Variants in DOCK2 observed in about 807,000 individuals in gnomAD.
The protein encoded by DOCK2 is dedicator of cytokinesis 2, also known as dedicator of cytokinesis protein 2.
Under a neutral mutation model 248.9 loss-of-function variants are expected in DOCK2, and 87 were observed. The ratio of observed to expected loss-of-function variants is 0.35; its 90% confidence interval spans 0.29 to 0.42. The LOEUF is 0.42. Among genes scored for constraint, DOCK2 ranks in the 10% least tolerant of loss-of-function variants. DOCK2 has a pLI of 1.00. For synonymous variants in DOCK2, 805 were observed against 821.6 expected (o/e 0.98, Z 0.35); for missense variants, 1,747 against 2,300.2 (o/e 0.76, Z 4.92).
At chr5:170,033,728 G>A (rs1756225347) in intron 34 of DOCK2, among the ~76,000 whole-genome samples, 1 of 152,158 alleles carries the variant, frequency 6.6e-6, no homozygotes, top group South Asian at 2.1e-4. Flanking sequence ...TTTGCATGAG[G>A]TTTAGAATAA....
chr5:169,819,620 C>T (rs1278132375), intron 26 of DOCK2, among the ~76,000 whole-genome samples: 3 of 152,014 alleles, frequency 2.0e-5, no homozygotes, highest in Non-Finnish European at 2.9e-5. Context: ...GACCCTGTCT[C>T]GAAAAAAACA....
intron 27 of DOCK2, among the ~76,000 whole-genome samples, chr5:169,967,033 G>A (rs2113756818): frequency 6.6e-6 from 1 of 152,338 alleles, no homozygotes; most frequent in Non-Finnish European, 1.5e-5. Flanking sequence ...AGCAATTAAT[G>A]GTGAAGTACC....
At chr5:169,762,217 C>T (rs540264297) in intron 25 of DOCK2, among the ~76,000 whole-genome samples, 21 of 152,238 alleles carry the variant, frequency 1.4e-4, no homozygotes, top group African/African-American at 5.1e-4. Flanking sequence ...TGGCAAAAGG[C>T]ATATCCAGTT....
At chr5:169,953,145 A>G in intron 27 of DOCK2, among the ~76,000 whole-genome samples, 1 of 152,140 alleles carries the variant, frequency 6.6e-6, no homozygotes, top group East Asian at 1.9e-4. Flanking sequence ...AACATGGCGA[A>G]ACCCTGTCTC....
intron 35 of DOCK2, among the ~76,000 whole-genome samples, chr5:170,035,596 C>A (rs998345465): frequency 6.6e-6 from 1 of 152,134 alleles, no homozygotes; most frequent in Non-Finnish European, 1.5e-5. Context: ...GGAAAGTGAC[C>A]TTTAACAGCC....
rs552749452 is a variant in DOCK2, at chr5:169,706,404, T to G, written c.1384-1765T>G. Among the ~76,000 whole-genome samples the G allele has an allele frequency of 3.9e-5, 6 of 152,362 alleles. No homozygotes were observed. The South Asian group carries it at 1.2e-3, about 32-fold the overall frequency. Reference sequence around the variant, plus strand: ...ATGAGTATTTAGAGGGTCTGTGATGTTGTCCTGGCTTTGCCACTTTTTGGG... The same window carrying G: ...ATGAGTATTTAGAGGGTCTGTGATGGTGTCCTGGCTTTGCCACTTTTTGGG... On this transcript the variant is annotated intron_variant, in intron 14 of 51. Transcript: ENST00000520908.
intron 23 of DOCK2, among the ~76,000 whole-genome samples, chr5:169,750,544 G>A (rs1561661507): frequency 6.6e-6 from 1 of 152,214 alleles, no homozygotes; most frequent in Non-Finnish European, 1.5e-5. Flanking sequence ...GAACTAATAT[G>A]ATTATTATGG....
At chr5:169,653,902 G>T (rs753178752) in intron 1 of DOCK2, among the ~76,000 whole-genome samples, 1 of 152,146 alleles carries the variant, frequency 6.6e-6, no homozygotes, top group Non-Finnish European at 1.5e-5. Context: ...GATCCCTGGG[G>T]TGCCTGAGCT....
intron 23 of DOCK2, among the ~76,000 whole-genome samples, chr5:169,754,134 A>AGAAAGAGT (rs1268655487): frequency 1.3e-5 from 2 of 152,166 alleles, no homozygotes; most frequent in Non-Finnish European, 2.9e-5. Flanking sequence ...AGAGAGAGAG[A>AGAAAGAGT]GAAAGAGTGA....
At position 169,718,723 on chromosome 5, in the gene DOCK2, C is replaced by T. The variant is rs35530753; in HGVS notation, c.2199C>T (p.Ile733=). The T allele has an allele frequency of 1.5e-3, 2,453 of 1,613,902 alleles. 26 individuals are homozygous for T. The African/African-American group carries it at 0.024, about 16-fold the overall frequency. The part of the protein sequence containing the change: ...TSSRGEQCEP[I]LRTLKALEYV... Reference sequence around the variant, plus strand: ...GCAGAGGGGAGCAATGTGAGCCAATCCTAAGAACGCTGAAGGCTTTGGAAT... The same window carrying T: ...GCAGAGGGGAGCAATGTGAGCCAATTCTAAGAACGCTGAAGGCTTTGGAAT... The change falls in exon 22 of 52, where the codon ATC becomes ATT. Residue 733 remains isoleucine, a synonymous_variant. Coordinates refer to ENST00000520908, the MANE Select transcript of DOCK2 (RefSeq NM_004946.3).
intron 26 of DOCK2, among the ~76,000 whole-genome samples, chr5:169,825,370 C>G (rs1768775461): frequency 6.6e-6 from 1 of 151,956 alleles, no homozygotes; most frequent in Admixed American, 6.5e-5. Context: ...GGAACCAACC[C>G]AAATATCCAA....
At chr5:169,710,328 G>T (rs1329927174) in intron 15 of DOCK2, among the ~76,000 whole-genome samples, 1 of 152,148 alleles carries the variant, frequency 6.6e-6, no homozygotes, top group Non-Finnish European at 1.5e-5. Context: ...AACCAAAGTG[G>T]AATTGTCAAA....
intron 24 of DOCK2, among the ~76,000 whole-genome samples, chr5:169,760,522 G>T (rs1347839580): frequency 6.6e-6 from 1 of 152,088 alleles, no homozygotes; most frequent in Non-Finnish European, 1.5e-5. Context: ...GTTTTTTCAT[G>T]GATGTCCTTT....
chr5:169,990,778 C>T (rs547139403), intron 29 of DOCK2, among the ~76,000 whole-genome samples: 1 of 152,350 alleles, frequency 6.6e-6, no homozygotes, highest in African/African-American at 2.4e-5. Flanking sequence ...GGCCTTTTCT[C>T]TCCCTTGGTG....
chr5:169,925,738 G>C (rs1775414111), intron 27 of DOCK2, among the ~76,000 whole-genome samples: 1 of 149,980 alleles, frequency 6.7e-6, no homozygotes, highest in Admixed American at 6.6e-5. Context: ...TTGTGTGTTG[G>C]GAGCATTAAA....
At chr5:169,656,830 C>T (rs958625860) in intron 2 of DOCK2, among the ~76,000 whole-genome samples, 1 of 152,220 alleles carries the variant, frequency 6.6e-6, no homozygotes, top group Non-Finnish European at 1.5e-5. Flanking sequence ...AGTACCTTTC[C>T]CTGGCCTGGT....
At chr5:169,643,389 A>G (rs1452557802) in intron 1 of DOCK2, among the ~76,000 whole-genome samples, 2 of 54,026 alleles carry the variant, frequency 3.7e-5, no homozygotes, top group Non-Finnish European at 6.7e-5. Context: ...GTGGAAGACA[A>G]TTTTTCCACA....
intron 1 of DOCK2, among the ~76,000 whole-genome samples, chr5:169,644,532 G>A (rs534953672): frequency 9.5e-4 from 144 of 152,196 alleles, no homozygotes; most frequent in African/African-American, 3.2e-3. Flanking sequence ...GGGCTGCATC[G>A]AGGCCTTCCC....
chr5:169,854,059 G>A (rs867394524), intron 27 of DOCK2, among the ~76,000 whole-genome samples: 10 of 151,290 alleles, frequency 6.6e-5, no homozygotes, highest in South Asian at 2.1e-4. Context: ...TCCTGACCTC[G>A]TGATCCGCCC....
Sources: gnomAD v4.1 joint callset for allele counts (sites outside exome capture counted in the v4.1 genomes callset) on GRCh38, gnomAD v4.1.1 for gene constraint, MANE v1.5 for transcripts, NCBI Gene and HGNC (gene_info 2026-07-23, HGNC 2026-07-21) for gene names.